Variants in DLG2 observed in about 807,000 individuals in gnomAD.
DLG2 encodes the protein discs large MAGUK scaffold protein 2.
A neutral mutation model predicts 132.5 loss-of-function variants in DLG2; 45 were observed. The ratio of observed to expected loss-of-function variants is 0.34; its 90% confidence interval spans 0.27 to 0.44. The LOEUF is 0.44. DLG2 is among the 20% of genes least tolerant of loss of function. The probability of loss-of-function intolerance (pLI) is 1.00; values close to 1 mark genes in which losing one functional copy is unlikely to be tolerated. For missense variants in DLG2, 1,045 were observed against 1,196.9 expected (o/e 0.87, Z 1.87); for synonymous variants, 424 against 419.6 (o/e 1.01, Z -0.13).
At chr11:84,576,283 T>C (rs2099499797) in intron 6 of DLG2, among the ~76,000 whole-genome samples, 1 of 152,242 alleles carries the variant, frequency 6.6e-6, no homozygotes, top group South Asian at 2.1e-4. Flanking sequence ...ACATAATATG[T>C]GTTTATCTAC....
intron 8 of DLG2, among the ~76,000 whole-genome samples, chr11:84,173,961 T>A (rs2095879303): frequency 6.6e-6 from 1 of 151,090 alleles, no homozygotes; most frequent in African/African-American, 2.4e-5. Context: ...TTTGCCAAGC[T>A]CTGTCCTTTG....
rs571970743 is a variant in DLG2, at chr11:85,087,610, G to A, written c.357+24051C>T. 6.4e-3 allele frequency among the ~76,000 whole-genome samples: 976 copies of A among 151,464 alleles called. 4 individuals are homozygous for A. Among genetic ancestry groups the A allele is most frequent in the Non-Finnish European group, 0.01 (697 of 67,836 alleles). ...TCCCAGCACTTTGGGAGGCCGAGGC[G>A]GGTGGATCATGAGGTCAGGAGATCG... On this transcript the variant is annotated intron_variant, in intron 6 of 27. Coordinates refer to ENST00000376104, the MANE Select transcript of DLG2 (RefSeq NM_001142699.3).
At chr11:85,594,129 T>A (rs1343722253) in intron 3 of DLG2, among the ~76,000 whole-genome samples, 1 of 152,198 alleles carries the variant, frequency 6.6e-6, no homozygotes, top group African/African-American at 2.4e-5. Context: ...AAATGCTTTT[T>A]AGTAATATGA....
At chr11:83,868,439 T>C (rs1010171133) in intron 16 of DLG2, among the ~76,000 whole-genome samples, 10 of 152,304 alleles carry the variant, frequency 6.6e-5, no homozygotes, top group Non-Finnish European at 1.5e-4. Flanking sequence ...TTTTCCCATA[T>C]TCTTTATAAA....
chr11:83,939,048 C>T (rs539765552), intron 14 of DLG2, among the ~76,000 whole-genome samples: 27 of 152,352 alleles, frequency 1.8e-4, no homozygotes, highest in South Asian at 4.1e-4. Context: ...AATGGATCAT[C>T]GGGCCTCCTT....
intron 7 of DLG2, among the ~76,000 whole-genome samples, chr11:84,464,225 A>C (rs1011269951): frequency 1.3e-5 from 2 of 151,160 alleles, no homozygotes; most frequent in African/African-American, 4.8e-5. Flanking sequence ...GCATATTGGC[A>C]TCAGGTACAC....
At chr11:85,134,296 G>A (rs1339882808) in intron 5 of DLG2, among the ~76,000 whole-genome samples, 5 of 149,074 alleles carry the variant, frequency 3.4e-5, no homozygotes, top group East Asian at 3.9e-4. Flanking sequence ...TTGGGAGGCC[G>A]AGGCGGGCGG....
chr11:84,059,511 T>G, intron 10 of DLG2, 27 bp from the exon 11 acceptor site: 1 of 1,519,990 alleles, frequency 6.6e-7, no homozygotes, highest in Non-Finnish European at 8.8e-7. Flanking sequence ...GAGTCAAGAT[T>G]CAGAAGTGGC....
chr11:85,354,769 G>A (rs928810693), intron 3 of DLG2, among the ~76,000 whole-genome samples: 3 of 150,386 alleles, frequency 2.0e-5, no homozygotes, highest in South Asian at 2.1e-4. Flanking sequence ...ACACATACAC[G>A]CATGTGCACA....
At chr11:84,682,523 C>T (rs553706440) in intron 6 of DLG2, among the ~76,000 whole-genome samples, 2 of 152,310 alleles carry the variant, frequency 1.3e-5, no homozygotes, top group East Asian at 1.9e-4. Flanking sequence ...TGCTCCTCCA[C>T]GGCTTTCCTC....
chr11:84,147,767 C>T (rs916121947), intron 9 of DLG2, among the ~76,000 whole-genome samples: 2 of 152,044 alleles, frequency 1.3e-5, no homozygotes, highest in Non-Finnish European at 2.9e-5. Flanking sequence ...CATATACACA[C>T]GCACACAAAG....
intron 16 of DLG2, among the ~76,000 whole-genome samples, chr11:83,835,118 T>A (rs528454528): frequency 2.6e-5 from 4 of 152,310 alleles, no homozygotes; most frequent in African/African-American, 9.6e-5. Flanking sequence ...TAACAATGCA[T>A]TAAGTCAGAG....
intron 6 of DLG2, among the ~76,000 whole-genome samples, chr11:84,607,299 G>A (rs1045088216): frequency 2.6e-5 from 4 of 152,150 alleles, no homozygotes; most frequent in African/African-American, 9.7e-5. Flanking sequence ...TCAGAAGCAA[G>A]TATACAGATA....
chr11:83,666,111 T>C (rs1267593973), intron 18 of DLG2, among the ~76,000 whole-genome samples: 2 of 152,256 alleles, frequency 1.3e-5, no homozygotes, highest in Non-Finnish European at 2.9e-5. Flanking sequence ...AATAGTTTTT[T>C]ATACAGAACT....
chr11:83,810,934 G>C (rs1406743325), intron 17 of DLG2, among the ~76,000 whole-genome samples: 4 of 152,012 alleles, frequency 2.6e-5, no homozygotes, highest in Non-Finnish European at 1.5e-5. Context: ...AGAAAGTCAA[G>C]CTTTCTATGC....
intron 7 of DLG2, among the ~76,000 whole-genome samples, chr11:84,431,354 GTAA>G (rs1345391520): frequency 1.3e-5 from 2 of 152,104 alleles, no homozygotes; most frequent in African/African-American, 4.8e-5. Flanking sequence ...AAAACTAGTA[GTAA>G]TAATCTCACT....
chr11:85,271,712 A>G (rs538321113), intron 4 of DLG2, among the ~76,000 whole-genome samples: 1 of 152,354 alleles, frequency 6.6e-6, no homozygotes, highest in East Asian at 1.9e-4. Flanking sequence ...ATTTGACTGC[A>G]CTGCTGGCTT....
intron 11 of DLG2, among the ~76,000 whole-genome samples, chr11:83,995,190 C>T (rs1471924865): frequency 2.6e-5 from 4 of 151,936 alleles, no homozygotes. Flanking sequence ...GAATGCAGTT[C>T]CTATTGTCAA....
At chr11:83,716,260 C>T (rs567638390) in intron 18 of DLG2, among the ~76,000 whole-genome samples, 6 of 152,252 alleles carry the variant, frequency 3.9e-5, no homozygotes, top group African/African-American at 7.2e-5. Context: ...CTATTTCCTA[C>T]TTAAAACCAT....
Sources: gnomAD v4.1 joint callset for allele counts (sites outside exome capture counted in the v4.1 genomes callset) on GRCh38, gnomAD v4.1.1 for gene constraint, MANE v1.5 for transcripts, NCBI Gene and HGNC (gene_info 2026-07-23, HGNC 2026-07-21) for gene names.